The following PDPK1 variants were observed in gnomAD, a reference collection of about 807,000 sequenced individuals.
The protein encoded by PDPK1 is 3-phosphoinositide dependent protein kinase 1.
A neutral mutation model predicts 39.8 loss-of-function variants in PDPK1; 7 were observed. That is an observed-to-expected ratio of 0.18 (90% CI 0.10 to 0.33). The LOEUF (loss-of-function observed/expected upper bound fraction) is 0.33. PDPK1 is among the 10% of genes least tolerant of loss of function. The pLI is 1.00. For missense variants in PDPK1, 182 were observed against 384.7 expected (o/e 0.47, Z 4.41); for synonymous variants, 118 against 159.1 (o/e 0.74, Z 1.95).
At chr16:2,550,132 A>G (rs2066387518) in intron 1 of PDPK1, among the ~76,000 whole-genome samples, 1 of 147,376 alleles carries the variant, frequency 6.8e-6, no homozygotes, top group Admixed American at 7.1e-5. Flanking sequence ...GATGGTACCC[A>G]CCCCCAGAGT....
chr16:2,592,544 G>A (rs570116429), intron 11 of PDPK1: 253 of 335,402 alleles, frequency 7.5e-4, no homozygotes, highest in South Asian at 5.6e-3. Flanking sequence ...GCCTACTGGT[G>A]GGTACCTGTA....
At position 2,601,490 on chromosome 16, in the gene PDPK1, C is replaced by T. The variant is rs1487343609; in HGVS notation, c.*3723C>T. ...GGCAGAATCTTGTACTTCGTGTCCA[C>T]AATGGTACTGAATTTGCATCTGCAC... On this transcript the variant is annotated 3_prime_UTR_variant, in exon 14 of 14. Coordinates refer to ENST00000342085, the MANE Select transcript of PDPK1 (RefSeq NM_002613.5). The T allele has an allele frequency of 4.3e-6, 1 of 234,434 alleles. No homozygotes were observed. Among genetic ancestry groups the T allele is most frequent in the Non-Finnish European group, 8.5e-6 (1 of 117,880 alleles). The allele number at this position is 234,434 out of a possible 1,614,324, so 14.5% of individuals were successfully genotyped here.
chr16:2,569,621 C>CT (rs1344841792), intron 6 of PDPK1: 1 of 148,640 alleles, frequency 6.7e-6, no homozygotes, highest in African/African-American at 2.4e-5. Context: ...GTTGGTGGTT[C>CT]TTTTCCCCTT....
chr16:2,590,541 C>G (rs564244760), intron 11 of PDPK1, among the ~76,000 whole-genome samples: 2 of 152,222 alleles, frequency 1.3e-5, no homozygotes, highest in South Asian at 4.1e-4. Context: ...AGGGGAGACA[C>G]GCTTGTGGCT....
Position 2,593,091 on chromosome 16 carries a change from T to G in PDPK1, c.1344-2702T>G, listed in dbSNP as rs1424994405. 1 of 455,970 alleles carries G rather than the reference T, an allele frequency of 2.2e-6. No individual in the cohort carries two copies. The highest frequency in any genetic ancestry group is 7.0e-5 in the East Asian group (1 of 14,386). The allele number at this position is 455,970 out of a possible 1,614,324, so 28.2% of individuals were successfully genotyped here. On this transcript the variant is annotated intron_variant, in intron 11 of 13. Coordinates refer to ENST00000342085, the MANE Select transcript of PDPK1 (RefSeq NM_002613.5). The surrounding 1 kb of genome is among the most constrained non-coding windows in gnomAD (Gnocchi z 4.2). ...TCAGTACTATTTCCGAATCGCTTCC[T>G]CAGTGAGTCCTCCCCAGGCTGCAGG...
chr16:2,598,201 C>T lies in PDPK1; in HGVS notation c.*434C>T. ...GACCGGGTGTGTTTGGCTCTTTATG[C>T]CCCTCCCGCTGTGGTCCTGGAACTC... On this transcript the variant is annotated 3_prime_UTR_variant, in exon 14 of 14. Transcript: ENST00000342085. 4.2e-6 allele frequency: 1 copy of T among 239,266 alleles called. No individual in the cohort carries two copies. The highest frequency in any genetic ancestry group is 8.2e-6 in the Non-Finnish European group (1 of 122,060). 14.8% of individuals were successfully genotyped at this position (239,266 alleles called of 1,614,324 possible). A position where few individuals can be genotyped will look rare whatever the true frequency, so the allele number is the denominator to read the frequency against.
intron 1 of PDPK1, among the ~76,000 whole-genome samples, chr16:2,551,483 C>G (rs970985208): frequency 6.6e-6 from 1 of 150,468 alleles, no homozygotes; most frequent in Non-Finnish European, 1.5e-5. Flanking sequence ...TCCTGCTTGC[C>G]GCGTGTGAGA....
chr16:2,592,796 T>C, intron 11 of PDPK1: 1 of 455,830 alleles, frequency 2.2e-6, no homozygotes, highest in Non-Finnish European at 4.4e-6. Context: ...AGTGGAGCTT[T>C]GCCCGCAGTC....
Position 2,598,093 on chromosome 16 carries a change from G to A in PDPK1, c.*326G>A. 2.7e-6 allele frequency: 1 copy of A among 375,628 alleles called. No homozygotes were observed. Among genetic ancestry groups the A allele is most frequent in the Middle Eastern group, 7.1e-4 (1 of 1,408 alleles). 23.3% of individuals were successfully genotyped at this position (375,628 alleles called of 1,614,324 possible). Reference sequence around the variant, plus strand: ...CCGCCCAGACTAGTGGACAGACCTGGTGTCACCAGTTTTTCCTAGCATCAG... The same window carrying A: ...CCGCCCAGACTAGTGGACAGACCTGATGTCACCAGTTTTTCCTAGCATCAG... On this transcript the variant is annotated 3_prime_UTR_variant, in exon 14 of 14. Coordinates refer to ENST00000342085, the MANE Select transcript of PDPK1 (RefSeq NM_002613.5).
Position 2,545,242 on chromosome 16 carries a change from C to T in PDPK1, c.24+7106C>T, listed in dbSNP as rs73492126. 5.0e-3 allele frequency among the ~76,000 whole-genome samples: 762 copies of T among 152,010 alleles called. 3 individuals carry two copies. The highest frequency in any genetic ancestry group is 0.017 in the African/African-American group (696 of 41,436). ...TAGTAGAGGTGGAATTTTATTGTAA[C>T]GTGGCATTTTCTAATGCAAAGGTGA... is the stretch of plus-strand genomic sequence containing the variant. On this transcript the variant is annotated intron_variant, in intron 1 of 13. Coordinates refer to ENST00000342085, the MANE Select transcript of PDPK1 (RefSeq NM_002613.5).
Position 2,598,828 on chromosome 16 carries a change from C to T in PDPK1, c.*1061C>T, listed in dbSNP as rs2067155418. On this transcript the variant is annotated 3_prime_UTR_variant, in exon 14 of 14. Coordinates refer to ENST00000342085, the MANE Select transcript of PDPK1 (RefSeq NM_002613.5). The stretch of plus-strand genomic sequence containing the variant: ...CAGACCACGCCAGGGAGTGCAGACA[C>T]CACCGTCACACACGCCCCTTTTGTG... 1 of 233,248 alleles carries T rather than the reference C, an allele frequency of 4.3e-6. No homozygotes were observed. The highest frequency in any genetic ancestry group is 6.0e-5 in the East Asian group (1 of 16,600). The allele number at this position is 233,248 out of a possible 1,614,324, so 14.4% of individuals were successfully genotyped here.
In PDPK1 at chr16:2,597,370, G is replaced by C. The variant is rs1040313092; in HGVS notation, c.1554+95G>C. The C allele has an allele frequency of 8.7e-7, 1 of 1,144,866 alleles. No homozygotes were observed. Among genetic ancestry groups the C allele is most frequent in the East Asian group, 2.4e-5 (1 of 42,152 alleles). The allele number at this position is 1,144,866 out of a possible 1,614,324, so 70.9% of individuals were successfully genotyped here. Reference sequence around the variant, plus strand: ...ACAGGCCTTGGCCAGAGGGAGCAGCGGGGATCGGGGCAGCTGCCTCGCCCT... The same window carrying C: ...ACAGGCCTTGGCCAGAGGGAGCAGCCGGGATCGGGGCAGCTGCCTCGCCCT... On this transcript the variant is annotated intron_variant, in intron 13 of 13. Transcript: ENST00000342085. This position sits in a 1 kb window ranked among gnomAD's most constrained non-coding sequence, Gnocchi z 6.3.
Position 2,602,326 on chromosome 16 carries a change from CT to C in PDPK1, c.*4560del, listed in dbSNP as rs1389167732. 2 of 234,598 alleles carry C rather than the reference CT, an allele frequency of 8.5e-6. No individual in the cohort carries two copies. 14.5% of individuals were successfully genotyped at this position (234,598 alleles called of 1,614,324 possible). A position where few individuals can be genotyped will look rare whatever the true frequency, so the allele number is the denominator to read the frequency against. ...ATTGCAGGGTTGTAGATGAGGCTGC[CT>C]GTGGAGAACTGGTGTGAGGAGGAAG... On this transcript the variant is annotated 3_prime_UTR_variant, in exon 14 of 14. Coordinates refer to ENST00000342085, the MANE Select transcript of PDPK1 (RefSeq NM_002613.5).
chr16:2,553,254 C>A (rs1433349171), intron 1 of PDPK1, among the ~76,000 whole-genome samples: 2 of 134,674 alleles, frequency 1.5e-5, no homozygotes, highest in Non-Finnish European at 3.1e-5. Flanking sequence ...TAGTTCACCA[C>A]AACCTTGAAC....
In PDPK1 at chr16:2,598,544, T is replaced by A. The variant is rs528570052; in HGVS notation, c.*777T>A. On this transcript the variant is annotated 3_prime_UTR_variant, in exon 14 of 14. Transcript: ENST00000342085. Reference sequence around the variant, plus strand: ...CTGGGGCTGGAAGCCGAGCGCATGCTGGGAGCGGTACTGTCAGAAGTGAGC... The same window carrying A: ...CTGGGGCTGGAAGCCGAGCGCATGCAGGGAGCGGTACTGTCAGAAGTGAGC... 10 of 233,400 alleles carry A rather than the reference T, an allele frequency of 4.3e-5. No homozygotes were observed. Among genetic ancestry groups the A allele is most frequent in the Non-Finnish European group, 7.6e-5 (9 of 118,230 alleles). 14.5% of individuals were successfully genotyped at this position (233,400 alleles called of 1,614,324 possible).
intron 11 of PDPK1, among the ~76,000 whole-genome samples, chr16:2,587,150 C>T (rs2141994245): frequency 6.6e-6 from 1 of 152,324 alleles, no homozygotes. Context: ...CATGGAGTCA[C>T]TGTGGTATGG....
chr16:2,552,095 G>C (rs1461085368), intron 1 of PDPK1, among the ~76,000 whole-genome samples: 3 of 151,434 alleles, frequency 2.0e-5, no homozygotes, highest in African/African-American at 7.2e-5. Flanking sequence ...CAGCCTCACA[G>C]GTAGCTAGGA....
intron 11 of PDPK1, among the ~76,000 whole-genome samples, chr16:2,595,064 A>G (rs192561571): frequency 7.4e-4 from 112 of 152,236 alleles, no homozygotes; most frequent in Middle Eastern, 3.4e-3. Context: ...TTGAGGCTAC[A>G]GTGAGCTATG....
At position 2,553,419 on chromosome 16, in the gene PDPK1, C is replaced by T. The variant is rs1371108427; in HGVS notation, c.25-4284C>T. Among the ~76,000 whole-genome samples, 67 of 129,520 alleles carry T rather than the reference C, an allele frequency of 5.2e-4. 1 individual carries two copies. In the East Asian group the frequency reaches 7.0e-3, roughly 13 times the overall value. The allele number at this position is 129,520 out of a possible 152,430, so 85.0% of individuals were successfully genotyped here. On this transcript the variant is annotated intron_variant, in intron 1 of 13. Transcript: ENST00000342085. ...CTGCTGGAGTGCAGTGCTATGACCA[C>T]GGCTCACTGCAGCCTCAGCCTCCTG... is the stretch of plus-strand genomic sequence containing the variant.
Sources: gnomAD v4.1 joint callset for allele counts (sites outside exome capture counted in the v4.1 genomes callset) on GRCh38, gnomAD v4.1.1 for gene constraint, Gnocchi (gnomAD v3.1) non-coding constraint, MANE v1.5 for transcripts, NCBI Gene and HGNC (gene_info 2026-07-23, HGNC 2026-07-21) for gene names.